MORN1: variants seen among roughly 807,000 people sequenced by gnomAD.
The protein encoded by MORN1 is MORN repeat-containing protein 1.
Under a neutral mutation model 61.9 loss-of-function variants are expected in MORN1, and 67 were observed. The observed-to-expected ratio is 1.08, with a 90% CI of 0.89 to 1.33. The LOEUF is 1.33. Among genes scored for constraint, MORN1 ranks in the 40% most tolerant of loss-of-function variants. The pLI is 0.00. For synonymous variants in MORN1, 301 were observed against 292.0 expected (o/e 1.03, Z -0.31); for missense variants, 752 against 691.2 (o/e 1.09, Z -0.99).
Position 2,337,543 on chromosome 1 carries a change from C to A in MORN1, c.1037-693G>T, listed in dbSNP as rs573895951. Among the ~76,000 whole-genome samples the A allele has an allele frequency of 6.6e-6, 1 of 152,212 alleles. No individual in the cohort carries two copies. Among genetic ancestry groups the A allele is most frequent in the African/African-American group, 2.4e-5 (1 of 41,446 alleles). On this transcript the variant is annotated intron_variant, in intron 10 of 13. Transcript: ENST00000378531. The surrounding 1 kb of genome is among the most constrained non-coding windows in gnomAD (Gnocchi z 5.7). ...GGGGGCTCCCCTCTGGCTTCCCCCA[C>A]GCACAGATGGAGCTGCAGCCCCCAG... is the stretch of plus-strand genomic sequence containing the variant.
rs1641305064 is a variant in MORN1, at chr1:2,337,445, T to C, written c.1037-595A>G. On this transcript the variant is annotated intron_variant, in intron 10 of 13. Transcript: ENST00000378531. This position sits in a 1 kb window ranked among gnomAD's most constrained non-coding sequence, Gnocchi z 5.7. ...CGGGCTCAGCCTGTGCATCCCTCAG[T>C]GGGACCCCTGCAGGCCCTTGCCCAA... is the stretch of plus-strand genomic sequence containing the variant. Among the ~76,000 whole-genome samples the C allele has an allele frequency of 6.6e-6, 1 of 152,082 alleles. No homozygotes were observed. The highest frequency in any genetic ancestry group is 1.9e-4 in the East Asian group (1 of 5,172).
intron 9 of MORN1, among the ~76,000 whole-genome samples, chr1:2,358,056 G>T (rs1454115904): frequency 6.6e-6 from 1 of 152,146 alleles, no homozygotes; most frequent in Non-Finnish European, 1.5e-5. Context: ...TTTTCATGTT[G>T]CGGGGCTTAG....
chr1:2,347,091 TGGG>T (rs1014469627), intron 10 of MORN1, among the ~76,000 whole-genome samples: 1 of 152,076 alleles, frequency 6.6e-6, no homozygotes, highest in African/African-American at 2.4e-5. Context: ...TCTTGGGAGA[TGGG>T]GAACTCAAAG....
At chr1:2,348,622 C>CACGCACACACGCACCTGCGCAG (rs1557876116) in intron 10 of MORN1, among the ~76,000 whole-genome samples, 5 of 150,854 alleles carry the variant, frequency 3.3e-5, no homozygotes, top group Non-Finnish European at 4.5e-5. Flanking sequence ...TAGGCAGGCA[C>CACGCACACACGCACCTGCGCAG]GCACGCACAC....
rs57622212 is a variant in MORN1, at chr1:2,331,970, C to A, written c.1250+4499G>T. Among the ~76,000 whole-genome samples the A allele has an allele frequency of 2.4e-3, 333 of 137,086 alleles. 2 individuals are homozygous for A. The highest frequency in any genetic ancestry group is 8.2e-3 in the African/African-American group (297 of 36,430). 89.9% of individuals were successfully genotyped at this position (137,086 alleles called of 152,430 possible). A position where few individuals can be genotyped will look rare whatever the true frequency, so the allele number is the denominator to read the frequency against. On this transcript the variant is annotated intron_variant, in intron 12 of 13. Transcript: ENST00000378531. ...CCCGCCCCTGCGCCTCTCCCTCGTG[C>A]GCCTCTCCCGCCCCTGCGCCTCTCC... is the stretch of plus-strand genomic sequence containing the variant.
chr1:2,323,186 G>A (rs970457884), intron 13 of MORN1: 11 of 985,248 alleles, frequency 1.1e-5, no homozygotes, highest in Admixed American at 1.2e-4. Flanking sequence ...GTGGGACCAC[G>A]GGGGACACCG....
intron 10 of MORN1, among the ~76,000 whole-genome samples, chr1:2,354,219 G>A (rs982841625): frequency 6.6e-6 from 1 of 152,190 alleles, no homozygotes; most frequent in African/African-American, 2.4e-5. Context: ...CAAGGACCCT[G>A]CCGACCGTGC....
chr1:2,325,671 A>C (rs1304033555), intron 12 of MORN1, among the ~76,000 whole-genome samples: 4 of 142,336 alleles, frequency 2.8e-5, no homozygotes, highest in Admixed American at 1.4e-4. Context: ...TTTTAGCAAT[A>C]GAGACAGGGT....
At chr1:2,322,098 T>C (rs1640894131) in intron 13 of MORN1, 1 of 985,326 alleles carries the variant, frequency 1.0e-6, no homozygotes, top group Non-Finnish European at 1.2e-6. Context: ...GCGCTGGGGC[T>C]CTCCGGGTGG....
chr1:2,328,743 G>A (rs547368400), intron 12 of MORN1, among the ~76,000 whole-genome samples: 3 of 152,338 alleles, frequency 2.0e-5, no homozygotes, highest in East Asian at 3.9e-4. Context: ...AACAGCCCCA[G>A]GCACAGACAC....
intron 10 of MORN1, chr1:2,355,073 C>T: frequency 1.2e-6 from 1 of 814,234 alleles, no homozygotes; most frequent in Non-Finnish European, 1.5e-6. Flanking sequence ...GGCAGTGGGG[C>T]CGGCGCGGGG....
intron 2 of MORN1, chr1:2,388,624 T>A: frequency 2.8e-6 from 1 of 352,282 alleles, no homozygotes; most frequent in Non-Finnish European, 5.3e-6. Flanking sequence ...CACAAAATTT[T>A]AAAAATTAGC....
intron 8 of MORN1, among the ~76,000 whole-genome samples, chr1:2,368,288 C>A (rs550890893): frequency 6.6e-6 from 1 of 152,226 alleles, no homozygotes; most frequent in African/African-American, 2.4e-5. Flanking sequence ...GGTATGGAAG[C>A]GGCAGGGCTA....
chr1:2,374,590 G>A, intron 6 of MORN1, 33 bp from the exon 7 acceptor site: 11 of 1,553,290 alleles, frequency 7.1e-6, no homozygotes, highest in Non-Finnish European at 9.6e-6. Flanking sequence ...CAGGCTGGTG[G>A]CTCCCAAGGG....
Position 2,386,004 on chromosome 1 carries a change from C to T in MORN1, c.359-107G>A, listed in dbSNP as rs897229230. On this transcript the variant is annotated intron_variant, in intron 4 of 13. Coordinates refer to ENST00000378531, the MANE Select transcript of MORN1 (RefSeq NM_024848.3). ...GGCGGGCAGGAGCAAAGTAGCAAGTCTAGGAGGCATGGGGCTCAGGGCCCC... is the reference window on the plus strand; with the variant it reads ...GGCGGGCAGGAGCAAAGTAGCAAGTTTAGGAGGCATGGGGCTCAGGGCCCC... 5 of 943,718 alleles carry T rather than the reference C, an allele frequency of 5.3e-6. No homozygotes were observed. In the African/African-American group the frequency reaches 6.5e-5, roughly 12 times the overall value. 58.5% of individuals were successfully genotyped at this position (943,718 alleles called of 1,614,324 possible).
Position 2,372,561 on chromosome 1 carries a change from G to A in MORN1, c.665C>T (p.Pro222Leu), listed in dbSNP as rs116550976. The change falls in exon 8 of 14, where the codon CCG becomes CTG. Residue 222 changes from proline to leucine, a missense_variant. Coordinates refer to ENST00000378531, the MANE Select transcript of MORN1 (RefSeq NM_024848.3). This position sits in a 1 kb window ranked among gnomAD's most constrained non-coding sequence, Gnocchi z 5.4. ...EQATRIVILG[P>L]EVMEVAQGSP... Reference sequence around the variant, plus strand: ...CCCTTGGGCCACTTCCATCACCTCCGGACCCAAGATCACGATCCTCGTAGC... The same window carrying A: ...CCCTTGGGCCACTTCCATCACCTCCAGACCCAAGATCACGATCCTCGTAGC... 14 of 1,613,042 alleles carry A rather than the reference G, an allele frequency of 8.7e-6. No homozygotes were observed. The highest frequency in any genetic ancestry group is 2.2e-5 in the East Asian group (1 of 44,824).
chr1:2,343,912 C>T (rs972946540), intron 10 of MORN1, among the ~76,000 whole-genome samples: 10 of 139,728 alleles, frequency 7.2e-5, no homozygotes, highest in East Asian at 2.3e-4. Context: ...GTCTGCTGGG[C>T]GGGATTCCCG....
intron 12 of MORN1, among the ~76,000 whole-genome samples, chr1:2,325,302 C>T (rs965712537): frequency 6.8e-6 from 1 of 147,772 alleles, no homozygotes; most frequent in Non-Finnish European, 1.5e-5. Context: ...CTCTCTCTCT[C>T]TCTTTTTCTC....
At chr1:2,345,829 C>CCACACACACA (rs57669691) in intron 10 of MORN1, among the ~76,000 whole-genome samples, 4,867 of 149,058 alleles carry the variant, frequency 0.033, 117 homozygotes, top group African/African-American at 0.062. Flanking sequence ...ATGTATGCGG[C>CCACACACACA]CACACACACA....
Sources: gnomAD v4.1 joint callset for allele counts (sites outside exome capture counted in the v4.1 genomes callset) on GRCh38, gnomAD v4.1.1 for gene constraint, Gnocchi (gnomAD v3.1) non-coding constraint, MANE v1.5 for transcripts, NCBI Gene and HGNC (gene_info 2026-07-23, HGNC 2026-07-21) for gene names.